DOK6: variants seen among roughly 807,000 people sequenced by gnomAD.
DOK6 encodes docking protein 6.
DOK6 carries 22 observed loss-of-function variants against 44.0 expected under a neutral mutation model. The observed-to-expected ratio is 0.50, with a 90% CI of 0.36 to 0.71. The LOEUF (loss-of-function observed/expected upper bound fraction) is 0.71. DOK6 is among the 30% of genes least tolerant of loss of function. The pLI is 0.00. For missense variants in DOK6, 340 were observed against 416.4 expected, an observed-to-expected ratio of 0.82 and a Z score of 1.60; for synonymous variants, 166 against 145.5, an observed-to-expected ratio of 1.14 and a Z score of -1.01.
Position 69,435,025 on chromosome 18 carries a change from G to GGGAAGGAAGGAAGGACGGAAGGAA in DOK6, c.66+33730_66+33731insCGGAAGGAAGGAAGGAAGGAAGGA, listed in dbSNP as rs1246684554. 5.1e-3 allele frequency among the ~76,000 whole-genome samples: 368 copies of GGGAAGGAAGGAAGGACGGAAGGAA among 72,318 alleles called. 30 individuals are homozygous for GGGAAGGAAGGAAGGACGGAAGGAA. The highest frequency in any genetic ancestry group is 9.8e-3 in the South Asian group (15 of 1,534). The allele number at this position is 72,318 out of a possible 152,430, so 47.4% of individuals were successfully genotyped here. A position where few individuals can be genotyped will look rare whatever the true frequency, so the allele number is the denominator to read the frequency against. ...GAAGAAAGATTAGTGTAGGGAGGGA[G>GGGAAGGAAGGAAGGACGGAAGGAA]GGAAGGAAGGAAGGAAGGAAGGAAG... On this transcript the variant is annotated intron_variant, in intron 1 of 7. Coordinates refer to ENST00000382713, the MANE Select transcript of DOK6 (RefSeq NM_152721.6).
chr18:69,574,568 A>C (rs1257249962), intron 2 of DOK6, among the ~76,000 whole-genome samples: 1 of 152,008 alleles, frequency 6.6e-6, no homozygotes, highest in Non-Finnish European at 1.5e-5. Flanking sequence ...AAATGTGACC[A>C]CAAGTACTGA....
chr18:69,610,261 T>C (rs1568310543), intron 3 of DOK6, among the ~76,000 whole-genome samples: 1 of 152,220 alleles, frequency 6.6e-6, no homozygotes, highest in African/African-American at 2.4e-5. Context: ...TAATGGCTAA[T>C]AGGAATATGA....
intron 2 of DOK6, among the ~76,000 whole-genome samples, chr18:69,569,841 T>C (rs1983071814): frequency 6.6e-6 from 1 of 152,158 alleles, no homozygotes; most frequent in Admixed American, 6.5e-5. Flanking sequence ...ATACACCATA[T>C]GGTACATATG....
At chr18:69,789,323 T>A (rs1048764545) in intron 7 of DOK6, among the ~76,000 whole-genome samples, 1 of 152,192 alleles carries the variant, frequency 6.6e-6, no homozygotes, top group Non-Finnish European at 1.5e-5. Context: ...TAGGACCTTT[T>A]ACTCTTATTT....
At chr18:69,609,970 G>A (rs991694567) in intron 3 of DOK6, among the ~76,000 whole-genome samples, 1 of 152,136 alleles carries the variant, frequency 6.6e-6, no homozygotes, top group East Asian at 1.9e-4. Context: ...ATCTAAAATA[G>A]TCAAATTTGT....
intron 5 of DOK6, among the ~76,000 whole-genome samples, chr18:69,730,569 G>T (rs914000868): frequency 3.3e-5 from 5 of 152,200 alleles, no homozygotes; most frequent in Middle Eastern, 3.4e-3. Context: ...TACATTGAAG[G>T]TGATTCAAGC....
chr18:69,748,006 A>C (rs182216062), intron 6 of DOK6, among the ~76,000 whole-genome samples: 1 of 152,332 alleles, frequency 6.6e-6, no homozygotes, highest in African/African-American at 2.4e-5. Context: ...GAACAATCTT[A>C]CATGCAAAGA....
intron 5 of DOK6, among the ~76,000 whole-genome samples, chr18:69,707,451 G>C (rs562336927): frequency 1.1e-4 from 17 of 152,306 alleles, no homozygotes; most frequent in Non-Finnish European, 2.4e-4. Context: ...CATTCTCCCA[G>C]CTTGCTTACT....
intron 5 of DOK6, among the ~76,000 whole-genome samples, chr18:69,705,919 A>C (rs202086219): frequency 1.9e-4 from 3 of 15,956 alleles, no homozygotes; most frequent in African/African-American, 3.7e-4. Context: ...AAATGTGATT[A>C]AAAAAAAAAA....
chr18:69,751,770 T>C (rs1979187680), intron 6 of DOK6, among the ~76,000 whole-genome samples: 1 of 152,002 alleles, frequency 6.6e-6, no homozygotes, highest in South Asian at 2.1e-4. Flanking sequence ...TTTGGGAGAC[T>C]GAGGTGGGAG....
At chr18:69,473,743 T>A (rs561992419) in intron 1 of DOK6, among the ~76,000 whole-genome samples, 42 of 152,300 alleles carry the variant, frequency 2.8e-4, no homozygotes, top group African/African-American at 8.4e-4. Context: ...TCATGTTCTT[T>A]CTCAACCAAA....
intron 3 of DOK6, among the ~76,000 whole-genome samples, chr18:69,633,832 T>C (rs144118760): frequency 1.3e-5 from 2 of 152,232 alleles, no homozygotes; most frequent in East Asian, 3.9e-4. Context: ...AACAAATATT[T>C]CAACTCTAAA....
At chr18:69,476,261 A>G (rs1200842308) in intron 1 of DOK6, among the ~76,000 whole-genome samples, 1 of 152,208 alleles carries the variant, frequency 6.6e-6, no homozygotes. Flanking sequence ...CTAGGATATA[A>G]GAATAGGTTT....
At chr18:69,435,033 A>AGGAC (rs1555701496) in intron 1 of DOK6, among the ~76,000 whole-genome samples, 32 of 62,992 alleles carry the variant, frequency 5.1e-4, no homozygotes, top group African/African-American at 1.4e-3. Flanking sequence ...GAGGGAAGGA[A>AGGAC]GGAAGGAAGG....
In DOK6 at chr18:69,783,596, AC is replaced by A. The variant is rs1265925310; in HGVS notation, c.856+25725del. Reference sequence around the variant, plus strand: ...ATCAACCAATTGTGAGTTCCACATGACCTCTGGATTTTCTAGAGACAATTCA... The same window carrying A: ...ATCAACCAATTGTGAGTTCCACATGACTCTGGATTTTCTAGAGACAATTCA... On this transcript the variant is annotated intron_variant, in intron 7 of 7. Transcript: ENST00000382713. 3.3e-5 allele frequency among the ~76,000 whole-genome samples: 5 copies of A among 152,164 alleles called. No homozygotes were observed. The South Asian group carries it at 8.3e-4, about 25-fold the overall frequency.
chr18:69,658,491 TTAC>T (rs1012930159), intron 3 of DOK6, among the ~76,000 whole-genome samples: 1 of 152,198 alleles, frequency 6.6e-6, no homozygotes, highest in Non-Finnish European at 1.5e-5. Flanking sequence ...TTGACAATAA[TTAC>T]TACTACTATT....
At chr18:69,712,079 A>G (rs1986770228) in intron 5 of DOK6, among the ~76,000 whole-genome samples, 1 of 150,802 alleles carries the variant, frequency 6.6e-6, no homozygotes, top group Non-Finnish European at 1.5e-5. Flanking sequence ...CAGGAGATCG[A>G]GACCATCCCG....
intron 7 of DOK6, among the ~76,000 whole-genome samples, chr18:69,819,404 T>C (rs1041330904): frequency 6.6e-6 from 1 of 152,194 alleles, no homozygotes; most frequent in Non-Finnish European, 1.5e-5. Context: ...TGCAAGAATA[T>C]GTGAATATCT....
intron 1 of DOK6, among the ~76,000 whole-genome samples, chr18:69,463,287 C>G (rs1313744386): frequency 2.6e-5 from 4 of 152,156 alleles, no homozygotes; most frequent in African/African-American, 7.2e-5. Flanking sequence ...CTCTCCCCAG[C>G]ATCACCGTGG....
Sources: gnomAD v4.1 joint callset for allele counts (sites outside exome capture counted in the v4.1 genomes callset) on GRCh38, gnomAD v4.1.1 for gene constraint, MANE v1.5 for transcripts, NCBI Gene and HGNC (gene_info 2026-07-23, HGNC 2026-07-21) for gene names.